DHRS7: variants seen among roughly 807,000 people sequenced by gnomAD.
DHRS7 encodes dehydrogenase/reductase 7, also known as dehydrogenase/reductase SDR family member 7.
A neutral mutation model predicts 38.9 loss-of-function variants in DHRS7; 34 were observed. The ratio of observed to expected loss-of-function variants is 0.87; its 90% confidence interval spans 0.66 to 1.16. The LOEUF is 1.16. Ranked by LOEUF, DHRS7 falls within the 50% of genes most tolerant of loss-of-function variation. The pLI is 0.00. For synonymous variants in DHRS7, 158 were observed against 153.1 expected (o/e 1.03, Z -0.24); for missense variants, 421 against 407.0 (o/e 1.03, Z -0.30).
At chr14:60,152,816 C>G in intron 4 of DHRS7, 123 bp downstream of exon 4, 1 of 1,109,598 alleles carries the variant, frequency 9.0e-7, no homozygotes, top group Admixed American at 2.3e-5. Flanking sequence ...TACCAAAAGT[C>G]TCCTTGGGTC....
rs1896769226 is a variant in DHRS7 at position 60,161,804 on chromosome 14, C to T, written c.133+3373G>A. Among the ~76,000 whole-genome samples, 1 of 152,146 alleles carries T rather than the reference C, an allele frequency of 6.6e-6. No homozygotes were observed. The highest frequency in any genetic ancestry group is 6.5e-5 in the Admixed American group (1 of 15,274). On this transcript the variant is annotated intron_variant, in intron 1 of 6. Coordinates refer to ENST00000557185, the MANE Select transcript of DHRS7 (RefSeq NM_016029.4). This position sits in a 1 kb window ranked among gnomAD's most constrained non-coding sequence, Gnocchi z 4.2. ...GTGGCTGATTCAGTCACTGCAGTGT[C>T]CCCAGTGCCCCAGCACAGAGGCCGG... is the stretch of plus-strand genomic sequence containing the variant.
At chr14:60,163,823 A>G (rs1896810781) in intron 1 of DHRS7, among the ~76,000 whole-genome samples, 1 of 152,248 alleles carries the variant, frequency 6.6e-6, no homozygotes, top group Non-Finnish European at 1.5e-5. Context: ...TCCAAGTCCA[A>G]GTGAACACAA....
rs1246727321 is a variant in DHRS7, at chr14:60,149,374, A to G, written c.951T>C (p.Ile317=). ...TTACCACACCACTCTTAAAGTTCTC[A>G]ATCCTTTTCTTCCCCATCTTGTTGG... is the stretch of plus-strand genomic sequence containing the variant. ...WITNKMGKKR[I]ENFKSGVDAD... The change falls in exon 6 of 7, where the codon ATT becomes ATC. Residue 317 remains isoleucine, a synonymous_variant. Transcript: ENST00000557185. 1 of 1,614,162 alleles carries G rather than the reference A, an allele frequency of 6.2e-7. No individual in the cohort carries two copies. The highest frequency in any genetic ancestry group is 1.1e-5 in the South Asian group (1 of 91,086).
At chr14:60,168,648 AT>A, upstream of DHRS7, 1 of 1,517,648 alleles carries the variant, frequency 6.6e-7, no homozygotes, top group Admixed American at 2.4e-5. Flanking sequence ...TCTAAAACTG[AT>A]CAATGCTTTT....
At chr14:60,159,648 C>CAAAA (rs1896723621) in intron 1 of DHRS7, among the ~76,000 whole-genome samples, 1 of 151,896 alleles carries the variant, frequency 6.6e-6, no homozygotes, top group Non-Finnish European at 1.5e-5. Context: ...GTAAGATATA[C>CAAAA]AAGAAAATAA....
At chr14:60,158,527 T>C (rs1013482426) in intron 1 of DHRS7, among the ~76,000 whole-genome samples, 2 of 151,726 alleles carry the variant, frequency 1.3e-5, no homozygotes, top group Non-Finnish European at 3.0e-5. Context: ...GACCTCTTGA[T>C]ATTTACACAC....
intron 2 of DHRS7, among the ~76,000 whole-genome samples, chr14:60,155,339 C>A (rs921941064): frequency 6.6e-6 from 1 of 152,122 alleles, no homozygotes; most frequent in African/African-American, 2.4e-5. Flanking sequence ...GCCCCAGCTA[C>A]TCAGGAGGCT....
rs1453127954 is a variant in DHRS7, at chr14:60,150,004, A to G, written c.756+61T>C. The G allele has an allele frequency of 3.3e-6, 5 of 1,535,526 alleles. No homozygotes were observed. In the East Asian group the frequency reaches 9.1e-5, roughly 28 times the overall value. On this transcript the variant is annotated intron_variant, in intron 5 of 6. Transcript: ENST00000557185. ...TATGATATACAGTGATACAACACCAATATATAATGCCAATATATAACTAGT... is the reference window on the plus strand; with the variant it reads ...TATGATATACAGTGATACAACACCAGTATATAATGCCAATATATAACTAGT...
intron 1 of DHRS7, among the ~76,000 whole-genome samples, chr14:60,163,407 G>A (rs897336792): frequency 2.0e-5 from 3 of 152,112 alleles, no homozygotes; most frequent in Non-Finnish European, 4.4e-5. Flanking sequence ...TCCTACCTTA[G>A]CCTCCAGAGT....
intron 6 of DHRS7, chr14:60,147,446 A>G (rs1332529642): frequency 6.6e-6 from 1 of 152,198 alleles, no homozygotes; most frequent in African/African-American, 2.4e-5. Flanking sequence ...TGATTGTGGT[A>G]ATCATTTTAC....
upstream of DHRS7, chr14:60,169,161 ACCATTGCACC>A (rs1896904094): frequency 6.8e-6 from 1 of 146,400 alleles, no homozygotes; most frequent in African/African-American, 2.5e-5. Context: ...AAAAAAAAAA[ACCATTGCACC>A]AAGTAACAGT....
chr14:60,166,247 A>G, upstream of DHRS7: 1 of 985,440 alleles, frequency 1.0e-6, no homozygotes, highest in Non-Finnish European at 1.2e-6. Context: ...GTTTTCAAGC[A>G]TTTGAAAGCA....
At position 60,161,091 on chromosome 14, in the gene DHRS7, T is replaced by C. The variant is rs1453865184; in HGVS notation, c.133+4086A>G. ...TTTTATCCTGCTTGTTCTCCCAGAA[T>C]TTTTTGTAAACTCAACTCCTCTGTT... is the stretch of plus-strand genomic sequence containing the variant. On this transcript the variant is annotated intron_variant, in intron 1 of 6. Coordinates refer to ENST00000557185, the MANE Select transcript of DHRS7 (RefSeq NM_016029.4). This position sits in a 1 kb window ranked among gnomAD's most constrained non-coding sequence, Gnocchi z 4.2. Among the ~76,000 whole-genome samples the C allele has an allele frequency of 6.6e-6, 1 of 152,246 alleles. No homozygotes were observed. The highest frequency in any genetic ancestry group is 2.4e-5 in the African/African-American group (1 of 41,460).
chr14:60,145,087 T>C lies in DHRS7; in HGVS notation c.973-74A>G. On this transcript the variant is annotated intron_variant, in intron 6 of 6. Coordinates refer to ENST00000557185, the MANE Select transcript of DHRS7 (RefSeq NM_016029.4). This position sits in a 1 kb window ranked among gnomAD's most constrained non-coding sequence, Gnocchi z 4.0. ...CCAGTTTTTAACATTTAAGTCCTTC[T>C]GTTTTGAGGAGCTGTATCATTATGA... 1 of 997,478 alleles carries C rather than the reference T, an allele frequency of 1.0e-6. No homozygotes were observed. 61.8% of individuals were successfully genotyped at this position (997,478 alleles called of 1,614,324 possible). A position where few individuals can be genotyped will look rare whatever the true frequency, so the allele number is the denominator to read the frequency against.
At chr14:60,168,762 C>A (rs1402938121), upstream of DHRS7, 7 of 1,547,876 alleles carry the variant, frequency 4.5e-6, no homozygotes, top group East Asian at 1.5e-4. Flanking sequence ...AAACAAAATT[C>A]TTTCTTGCTT....
intron 1 of DHRS7, among the ~76,000 whole-genome samples, chr14:60,158,101 C>T (rs1057233222): frequency 4.6e-5 from 7 of 151,726 alleles, no homozygotes; most frequent in Non-Finnish European, 4.4e-5. Context: ...GGTGTGGTGG[C>T]GCATCGTTGT....
chr14:60,159,473 T>C (rs1896720144), intron 1 of DHRS7: 1 of 198,092 alleles, frequency 5.0e-6, no homozygotes, highest in Non-Finnish European at 1.1e-5. Context: ...ATTCATAGCA[T>C]AACAGGAAAC....
Position 60,153,253 on chromosome 14 carries a change from T to C in DHRS7, c.394-75A>G. ...AGATTGATGGAATTCCTATGGATGG[T>C]TGGTTATTTTGTTAACTTAAAGAAT... On this transcript the variant is annotated intron_variant, in intron 3 of 6. Coordinates refer to ENST00000557185, the MANE Select transcript of DHRS7 (RefSeq NM_016029.4). This position sits in a 1 kb window ranked among gnomAD's most constrained non-coding sequence, Gnocchi z 4.4. 1.3e-6 allele frequency: 2 copies of C among 1,521,104 alleles called. No homozygotes were observed. Among genetic ancestry groups the C allele is most frequent in the Non-Finnish European group, 1.8e-6 (2 of 1,113,086 alleles). The allele number at this position is 1,521,104 out of a possible 1,614,324, so 94.2% of individuals were successfully genotyped here. A position where few individuals can be genotyped will look rare whatever the true frequency, so the allele number is the denominator to read the frequency against.
rs1034013885 is a variant in DHRS7, at chr14:60,153,835, A to G, written c.393+124T>C. 8 of 711,050 alleles carry G rather than the reference A, an allele frequency of 1.1e-5. No homozygotes were observed. The Admixed American group carries it at 1.5e-4, about 14-fold the overall frequency. The allele number at this position is 711,050 out of a possible 1,614,324, so 44.0% of individuals were successfully genotyped here. ...GCTCAGAGATTAAGGGGCCCAACTC[A>G]TGGGCCCGATCTCACTGCATGGACC... On this transcript the variant is annotated intron_variant, in intron 3 of 6. Transcript: ENST00000557185. The surrounding 1 kb of genome is among the most constrained non-coding windows in gnomAD (Gnocchi z 4.4).
Sources: gnomAD v4.1 joint callset for allele counts (sites outside exome capture counted in the v4.1 genomes callset) on GRCh38, gnomAD v4.1.1 for gene constraint, Gnocchi (gnomAD v3.1) non-coding constraint, MANE v1.5 for transcripts, NCBI Gene and HGNC (gene_info 2026-07-23, HGNC 2026-07-21) for gene names.